DYNC2H1: variants seen among roughly 807,000 people sequenced by gnomAD.
The protein encoded by DYNC2H1 is cytoplasmic dynein 2 heavy chain 1.
A neutral mutation model predicts 570.0 loss-of-function variants in DYNC2H1; 410 were observed. That is an observed-to-expected ratio of 0.72 (90% CI 0.66 to 0.78). The LOEUF is 0.78. DYNC2H1 is among the 30% of genes least tolerant of loss of function. The pLI is 0.00. For synonymous variants in DYNC2H1, 1,688 were observed against 1,677.6 expected (o/e 1.01, Z -0.15); for missense variants, 4,865 against 5,046.4 (o/e 0.96, Z 1.09).
intron 70 of DYNC2H1, among the ~76,000 whole-genome samples, chr11:103,270,441 G>A (rs1346159240): frequency 2.0e-5 from 3 of 151,940 alleles, no homozygotes; most frequent in Admixed American, 1.3e-4. Context: ...TATAAATTAG[G>A]CACAGTAAGA....
intron 82 of DYNC2H1, among the ~76,000 whole-genome samples, chr11:103,352,694 T>C (rs987029823): frequency 6.6e-6 from 1 of 152,236 alleles, no homozygotes; most frequent in Non-Finnish European, 1.5e-5. Flanking sequence ...TTTTACACTG[T>C]TGGTGAAAAT....
In DYNC2H1 at chr11:103,245,187, A is replaced by G; in HGVS notation, c.9919-64A>G. 1 of 1,312,256 alleles carries G rather than the reference A, an allele frequency of 7.6e-7. No homozygotes were observed. The highest frequency in any genetic ancestry group is 1.0e-6 in the Non-Finnish European group (1 of 966,982). 81.3% of individuals were successfully genotyped at this position (1,312,256 alleles called of 1,614,324 possible). A position where few individuals can be genotyped will look rare whatever the true frequency, so the allele number is the denominator to read the frequency against. On this transcript the variant is annotated intron_variant, in intron 64 of 88. Transcript: ENST00000375735. This position sits in a 1 kb window ranked among gnomAD's most constrained non-coding sequence, Gnocchi z 4.5. ...TTGAAATTACTGTAGAAAATCAAAG[A>G]AAGGATGTTTGTAAATATTAAAGTA...
intron 15 of DYNC2H1, among the ~76,000 whole-genome samples, 170 bp from the exon 16 acceptor site, chr11:103,135,324 CT>C (rs1389664242): frequency 6.6e-6 from 1 of 152,036 alleles, no homozygotes; most frequent in Non-Finnish European, 1.5e-5. Flanking sequence ...ATATTTGTCT[CT>C]AAATAAACTT....
Position 103,204,684 on chromosome 11 carries a change from TCATAA to T in DYNC2H1, c.8312-132_8312-128del. The T allele has an allele frequency of 1.8e-6, 1 of 541,446 alleles. No individual in the cohort carries two copies. The highest frequency in any genetic ancestry group is 3.0e-6 in the Non-Finnish European group (1 of 332,860). The allele number at this position is 541,446 out of a possible 1,614,324, so 33.5% of individuals were successfully genotyped here. A position where few individuals can be genotyped will look rare whatever the true frequency, so the allele number is the denominator to read the frequency against. On this transcript the variant is annotated intron_variant, in intron 51 of 88. Transcript: ENST00000375735. The surrounding 1 kb of genome is among the most constrained non-coding windows in gnomAD (Gnocchi z 4.1). ...AGTGTTCTTTTAACTAAAATAAAAA[TCATAA>T]CATAATATTGTTTTATATTGTGCTC...
At chr11:103,478,064 T>C (rs78797144) in intron 88 of DYNC2H1, among the ~76,000 whole-genome samples, 4 of 151,870 alleles carry the variant, frequency 2.6e-5, no homozygotes, top group Non-Finnish European at 4.4e-5. Flanking sequence ...CTTAAAAAGT[T>C]CCCCTGAGCG....
intron 63 of DYNC2H1, among the ~76,000 whole-genome samples, chr11:103,240,076 G>GA (rs1216478407): frequency 1.3e-5 from 2 of 151,996 alleles, no homozygotes; most frequent in African/African-American, 4.8e-5. Context: ...ACATTTAAGG[G>GA]AAAAAACTAG....
chr11:103,279,559 T>C (rs1866049883), intron 70 of DYNC2H1, among the ~76,000 whole-genome samples: 1 of 152,160 alleles, frequency 6.6e-6, no homozygotes, highest in Admixed American at 6.6e-5. Flanking sequence ...TTCCCTTCTT[T>C]TTTTCCTCCT....
Position 103,254,657 on chromosome 11 carries a change from T to C in DYNC2H1, c.10207-758T>C, listed in dbSNP as rs993709085. Reference sequence around the variant, plus strand: ...TATAGGAGGGTTCCGCTTTTTTCCATATCCTTGCCAACTCTGGTTGTTATG... The same window carrying C: ...TATAGGAGGGTTCCGCTTTTTTCCACATCCTTGCCAACTCTGGTTGTTATG... On this transcript the variant is annotated intron_variant, in intron 66 of 88. Coordinates refer to ENST00000375735, the MANE Select transcript of DYNC2H1 (RefSeq NM_001377.3). The surrounding 1 kb of genome is among the most constrained non-coding windows in gnomAD (Gnocchi z 4.9). Among the ~76,000 whole-genome samples, 2 of 152,186 alleles carry C rather than the reference T, an allele frequency of 1.3e-5. No individual in the cohort carries two copies. Among genetic ancestry groups the C allele is most frequent in the Non-Finnish European group, 2.9e-5 (2 of 68,014 alleles).
chr11:103,391,121 G>T (rs1196334991), intron 83 of DYNC2H1, among the ~76,000 whole-genome samples: 1 of 152,100 alleles, frequency 6.6e-6, no homozygotes, highest in Non-Finnish European at 1.5e-5. Context: ...CTTCCCATCA[G>T]TTTCAGGTAC....
At chr11:103,406,182 G>A (rs1942858332) in intron 84 of DYNC2H1, 1 of 152,006 alleles carries the variant, frequency 6.6e-6, no homozygotes, top group Non-Finnish European at 1.5e-5. Context: ...TAAGGGCTTT[G>A]AAGGCTCTTG....
intron 83 of DYNC2H1, among the ~76,000 whole-genome samples, chr11:103,361,847 G>C (rs1461076695): frequency 1.3e-5 from 2 of 152,220 alleles, no homozygotes; most frequent in Non-Finnish European, 2.9e-5. Flanking sequence ...GGAATCTTTA[G>C]TTAGGAATGA....
At chr11:103,308,124 C>T (rs1357566394) in intron 78 of DYNC2H1, among the ~76,000 whole-genome samples, 1 of 152,118 alleles carries the variant, frequency 6.6e-6, no homozygotes, top group Admixed American at 6.5e-5. Context: ...TGCAGTAGAT[C>T]TGTAGAACTT....
chr11:103,333,860 G>A (rs1461490746), intron 82 of DYNC2H1, among the ~76,000 whole-genome samples: 1 of 152,068 alleles, frequency 6.6e-6, no homozygotes, highest in African/African-American at 2.4e-5. Flanking sequence ...TCTTTTAGTG[G>A]AAATTAGATG....
At chr11:103,166,357 CAA>C (rs769167654) in intron 31 of DYNC2H1, among the ~76,000 whole-genome samples, 1 of 152,044 alleles carries the variant, frequency 6.6e-6, no homozygotes, top group South Asian at 2.1e-4. Context: ...TTTTAACCAT[CAA>C]AGTTATTTGA....
Position 103,324,289 on chromosome 11 carries a change from C to A in DYNC2H1, c.12039+299C>A, listed in dbSNP as rs916381751. ...TATCACGTAGGTAATAAGTATAGTG[C>A]CCAACAGGTAATTTTTCGATCCTCC... On this transcript the variant is annotated intron_variant, in intron 82 of 88. Transcript: ENST00000375735. This position sits in a 1 kb window ranked among gnomAD's most constrained non-coding sequence, Gnocchi z 5.2. 2.0e-5 allele frequency among the ~76,000 whole-genome samples: 3 copies of A among 151,950 alleles called. No homozygotes were observed. The highest frequency in any genetic ancestry group is 2.9e-5 in the Non-Finnish European group (2 of 68,006).
chr11:103,235,765 C>T lies in DYNC2H1; in HGVS notation c.9661C>T (p.Leu3221=). ...ITYLSAAPES[L]RKTCLEEWTK... ...ATATCTTTCTGCTGCTCCTGAATCTCTGAGAAAAACCTGTTTGGAAGAATG... is the reference window on the plus strand; with the variant it reads ...ATATCTTTCTGCTGCTCCTGAATCTTTGAGAAAAACCTGTTTGGAAGAATG... Residue 3221 remains leucine (L), a synonymous_variant, in exon 62 of 89, where the codon CTG becomes TTG. Coordinates refer to ENST00000375735, the MANE Select transcript of DYNC2H1 (RefSeq NM_001377.3). 2 of 1,611,872 alleles carry T rather than the reference C, an allele frequency of 1.2e-6. No homozygotes were observed. Among genetic ancestry groups the T allele is most frequent in the South Asian group, 2.2e-5 (2 of 90,974 alleles).
At chr11:103,138,938 T>C (rs1232191852) in intron 17 of DYNC2H1, among the ~76,000 whole-genome samples, 1 of 151,958 alleles carries the variant, frequency 6.6e-6, no homozygotes, top group Non-Finnish European at 1.5e-5. Context: ...TGGTTTAGTC[T>C]TGGGAGGGTG....
intron 84 of DYNC2H1, among the ~76,000 whole-genome samples, chr11:103,433,693 CAT>C (rs1308770219): frequency 6.6e-5 from 10 of 152,120 alleles, no homozygotes; most frequent in South Asian, 2.1e-4. Context: ...GACTCCTCCA[CAT>C]GTTTCATTTC....
intron 17 of DYNC2H1, among the ~76,000 whole-genome samples, chr11:103,140,254 G>A (rs1427301998): frequency 5.3e-5 from 8 of 152,040 alleles, no homozygotes; most frequent in South Asian, 4.2e-4. Context: ...TCCTGTCATT[G>A]TGATGTTAGC....
Sources: gnomAD v4.1 joint callset for allele counts (sites outside exome capture counted in the v4.1 genomes callset) on GRCh38, gnomAD v4.1.1 for gene constraint, Gnocchi (gnomAD v3.1) non-coding constraint, MANE v1.5 for transcripts, NCBI Gene and HGNC (gene_info 2026-07-23, HGNC 2026-07-21) for gene names.